Variants in HK1 observed in about 807,000 individuals in gnomAD.
HK1 encodes the protein hexokinase 1.
Under a neutral mutation model 91.6 loss-of-function variants are expected in HK1, and 28 were observed. The observed-to-expected ratio is 0.31, with a 90% CI of 0.23 to 0.42. The LOEUF (loss-of-function observed/expected upper bound fraction) is 0.42. Ranked by LOEUF, HK1 falls within the 10% of genes least tolerant of loss-of-function variation. The pLI is 1.00. For missense variants in HK1, 770 were observed against 1,219.8 expected (o/e 0.63, Z 5.49); for synonymous variants, 430 against 468.1 (o/e 0.92, Z 1.05).
chr10:69,314,543 C>T (rs1395118861), upstream of HK1, among the ~76,000 whole-genome samples: 1 of 152,168 alleles, frequency 6.6e-6, no homozygotes, highest in African/African-American at 2.4e-5. Context: ...TTCGTTTTTT[C>T]GCTCTCTTTG....
At chr10:69,343,114 T>C (rs1226083494) in intron 1 of HK1, among the ~76,000 whole-genome samples, 4 of 152,190 alleles carry the variant, frequency 2.6e-5, no homozygotes, top group African/African-American at 9.6e-5. Flanking sequence ...TCTCCATTCA[T>C]TGAGGCTGGG....
chr10:69,289,108 CA>C (rs1845163489), intron 3 of HK1, among the ~76,000 whole-genome samples: 1 of 152,138 alleles, frequency 6.6e-6, no homozygotes, highest in Non-Finnish European at 1.5e-5. Context: ...TCACATGTAC[CA>C]TAGCCTGCTC....
intron 5 of HK1, among the ~76,000 whole-genome samples, chr10:69,309,945 G>T (rs1309692951): frequency 6.6e-6 from 1 of 151,758 alleles, no homozygotes; most frequent in African/African-American, 2.4e-5. Flanking sequence ...AGCTACTTGG[G>T]AGGCTGAGGC....
chr10:69,374,865 A>G (rs975780363), intron 7 of HK1, among the ~76,000 whole-genome samples: 2 of 152,220 alleles, frequency 1.3e-5, no homozygotes, highest in Admixed American at 1.3e-4. Context: ...TTCTCTTGTC[A>G]CACTGCCCAA....
chr10:69,282,160 C>G (rs551805845), intron 1 of HK1, among the ~76,000 whole-genome samples: 46 of 152,282 alleles, frequency 3.0e-4, no homozygotes, highest in African/African-American at 1.0e-3. Context: ...GGTTTCTACT[C>G]CTAATCTTGT....
intron 3 of HK1, among the ~76,000 whole-genome samples, chr10:69,291,923 G>A (rs1007701064): frequency 1.3e-5 from 2 of 152,154 alleles, no homozygotes; most frequent in African/African-American, 4.8e-5. Flanking sequence ...ATTTCAGCAG[G>A]GAGTTGGCTA....
In HK1 at chr10:69,344,061, G is replaced by C. The variant is rs554786028; in HGVS notation, c.226+72G>C. The stretch of plus-strand genomic sequence containing the variant: ...TGAAATCTTCCTTCTAACTTCATTT[G>C]TTCATACATTTGCTCATTCATTCAT... On this transcript the variant is annotated intron_variant, in intron 2 of 17. Coordinates refer to ENST00000359426, the MANE Select transcript of HK1 (RefSeq NM_000188.3). 2.0e-6 allele frequency: 3 copies of C among 1,481,982 alleles called. No individual in the cohort carries two copies. In the African/African-American group the frequency reaches 4.2e-5, roughly 21 times the overall value. 91.8% of individuals were successfully genotyped at this position (1,481,982 alleles called of 1,614,324 possible).
intron 1 of HK1, among the ~76,000 whole-genome samples, chr10:69,271,685 G>A (rs1364600054): frequency 6.6e-6 from 1 of 151,804 alleles, no homozygotes; most frequent in Non-Finnish European, 1.5e-5. Context: ...CACCATGTTA[G>A]CCAGGATAGT....
At chr10:69,391,339 C>T (rs918494086) in intron 14 of HK1, among the ~76,000 whole-genome samples, 1 of 152,278 alleles carries the variant, frequency 6.6e-6, no homozygotes. Context: ...ACCAACCATC[C>T]TTGTCGAGAA....
chr10:69,336,216 AGTT>A (rs1262664517), intron 1 of HK1, among the ~76,000 whole-genome samples: 1 of 151,982 alleles, frequency 6.6e-6, no homozygotes, highest in Non-Finnish European at 1.5e-5. Context: ...TTTGAGATGG[AGTT>A]TCGCTCTTGT....
chr10:69,371,660 C>G (rs1338957611), intron 7 of HK1, among the ~76,000 whole-genome samples: 2 of 152,222 alleles, frequency 1.3e-5, no homozygotes, highest in South Asian at 2.1e-4. Context: ...GGCCCTTATC[C>G]TTGGTTCCCA....
intron 4 of HK1, chr10:69,300,314 G>A (rs915851449): frequency 4.2e-5 from 16 of 383,652 alleles, no homozygotes; most frequent in Non-Finnish European, 5.7e-5. Context: ...GTACTCTCTT[G>A]TGTCTGGTTT....
chr10:69,289,646 T>C lies in HK1; in HGVS notation c.-115+876T>C, dbSNP rs908011477. On this transcript the variant is annotated intron_variant, in intron 3 of 21. Coordinates refer to the HK1 transcript ENST00000360289. ...GCCACCATGCCTGGCTAATTTTGTA[T>C]TTTTTTGTAGAGATGGGGTTTTGTC... Among the ~76,000 whole-genome samples, 3 of 151,742 alleles carry C rather than the reference T, an allele frequency of 2.0e-5. No homozygotes were observed. The East Asian group carries it at 5.8e-4, about 29-fold the overall frequency.
At chr10:69,384,296 C>A (rs1389593772) in intron 10 of HK1, 37 bp from the exon 11 acceptor site, 1 of 1,613,962 alleles carries the variant, frequency 6.2e-7, no homozygotes, top group Non-Finnish European at 8.5e-7. Flanking sequence ...AGGCACTTAG[C>A]TGTTTTTGAC....
At chr10:69,304,237 G>C (rs960589255) in intron 5 of HK1, among the ~76,000 whole-genome samples, 1 of 151,708 alleles carries the variant, frequency 6.6e-6, no homozygotes, top group Non-Finnish European at 1.5e-5. Context: ...GTTTGTTTTG[G>C]AAAAGGGCTG....
At chr10:69,301,337 G>A (rs1384560916) in intron 5 of HK1, among the ~76,000 whole-genome samples, 2 of 151,664 alleles carry the variant, frequency 1.3e-5, no homozygotes, top group East Asian at 1.9e-4. Context: ...CTGGCTGGGT[G>A]TGGTGGTGAG....
chr10:69,382,868 G>A lies in HK1; in HGVS notation c.1570+77G>A, dbSNP rs1451436812. On this transcript the variant is annotated intron_variant, in intron 10 of 17. Coordinates refer to ENST00000359426, the MANE Select transcript of HK1 (RefSeq NM_000188.3). ...AGCCGCAGTGGGGGAGGTTGGATTC[G>A]CCAGTGGATGCCTTCACACTGGTGA... 2.2e-5 allele frequency: 30 copies of A among 1,377,072 alleles called. No homozygotes were observed. In the Admixed American group the frequency reaches 2.7e-4, roughly 12 times the overall value. 85.3% of individuals were successfully genotyped at this position (1,377,072 alleles called of 1,614,324 possible). A position where few individuals can be genotyped will look rare whatever the true frequency, so the allele number is the denominator to read the frequency against.
chr10:69,309,237 A>G (rs1203146520), intron 5 of HK1, among the ~76,000 whole-genome samples: 3 of 149,856 alleles, frequency 2.0e-5, no homozygotes, highest in African/African-American at 7.4e-5. Flanking sequence ...GCTGAAGTGC[A>G]ATGGCATGAT....
upstream of HK1, among the ~76,000 whole-genome samples, chr10:69,311,297 A>C (rs1846365810): frequency 6.6e-6 from 1 of 152,190 alleles, no homozygotes. Context: ...CTAGTTTTTC[A>C]GGTTAACTCT....
Sources: allele counts gnomAD v4.1 joint callset (sites outside exome capture counted in the v4.1 genomes callset), GRCh38; gene constraint gnomAD v4.1.1; transcripts MANE v1.5; gene names NCBI Gene and HGNC (gene_info 2026-07-23, HGNC 2026-07-21).